The following MYO3A variants were observed in gnomAD, a reference collection of about 807,000 sequenced individuals.
MYO3A encodes the protein myosin IIIA, also known as myosin-IIIa.
MYO3A carries 180 observed loss-of-function variants against 192.7 expected under a neutral mutation model. That is an observed-to-expected ratio of 0.93 (90% CI 0.83 to 1.06). The LOEUF (loss-of-function observed/expected upper bound fraction) is 1.06. Ranked by LOEUF, MYO3A falls within the 50% of genes least tolerant of loss-of-function variation. MYO3A has a pLI of 0.00. For synonymous variants in MYO3A, 628 were observed against 645.3 expected (o/e 0.97, Z 0.41); for missense variants, 1,896 against 1,905.0 (o/e 1.00, Z 0.09).
At chr10:26,049,291 A>G (rs889200338) in intron 10 of MYO3A, among the ~76,000 whole-genome samples, 1 of 152,172 alleles carries the variant, frequency 6.6e-6, no homozygotes, top group Non-Finnish European at 1.5e-5. Context: ...GCCTCAGTTG[A>G]AGGGTATTAA....
At chr10:26,079,694 G>A (rs1056525150) in intron 14 of MYO3A, among the ~76,000 whole-genome samples, 3 of 152,150 alleles carry the variant, frequency 2.0e-5, no homozygotes, top group African/African-American at 7.2e-5. Flanking sequence ...CCTTTTAGCA[G>A]TTCTTATAGT....
chr10:26,130,514 T>C (rs1190352592), intron 20 of MYO3A, among the ~76,000 whole-genome samples: 1 of 152,198 alleles, frequency 6.6e-6, no homozygotes, highest in African/African-American at 2.4e-5. Flanking sequence ...TAAAGCCCTT[T>C]AAGATACCCT....
chr10:26,079,794 A>G (rs1395084965), intron 14 of MYO3A, among the ~76,000 whole-genome samples: 2 of 152,186 alleles, frequency 1.3e-5, no homozygotes, highest in Non-Finnish European at 2.9e-5. Flanking sequence ...GTTTCGCTGG[A>G]TACAAAATTC....
At chr10:26,137,999 G>A (rs981320783) in intron 20 of MYO3A, among the ~76,000 whole-genome samples, 5 of 152,166 alleles carry the variant, frequency 3.3e-5, no homozygotes, top group African/African-American at 9.7e-5. Flanking sequence ...CCTTTGCCTT[G>A]TGATCTTTGT....
At chr10:25,991,007 C>G (rs1471033275) in intron 4 of MYO3A, among the ~76,000 whole-genome samples, 3 of 152,140 alleles carry the variant, frequency 2.0e-5, no homozygotes, top group Non-Finnish European at 1.5e-5. Flanking sequence ...GCATGATTTA[C>G]AATCCTTTGT....
intron 6 of MYO3A, among the ~76,000 whole-genome samples, chr10:26,009,610 C>G (rs2130994628): frequency 6.6e-6 from 1 of 152,258 alleles, no homozygotes; most frequent in Non-Finnish European, 1.5e-5. Flanking sequence ...CAAGTTCACT[C>G]AAAAACAGAA....
At chr10:25,960,136 T>A (rs1837834188) in intron 4 of MYO3A, among the ~76,000 whole-genome samples, 1 of 152,160 alleles carries the variant, frequency 6.6e-6, no homozygotes, top group Non-Finnish European at 1.5e-5. Context: ...GTTCTCCTTT[T>A]TTCTGTCCTC....
chr10:26,047,081 ACT>A (rs1843671876), intron 10 of MYO3A, among the ~76,000 whole-genome samples: 1 of 152,130 alleles, frequency 6.6e-6, no homozygotes. Flanking sequence ...CATTAAATGG[ACT>A]CAATTGTTTA....
At chr10:26,093,143 T>C (rs1836801409) in intron 15 of MYO3A, among the ~76,000 whole-genome samples, 1 of 152,224 alleles carries the variant, frequency 6.6e-6, no homozygotes, top group East Asian at 1.9e-4. Flanking sequence ...TGATCATGAT[T>C]GTTAACACTT....
At chr10:25,985,474 A>T (rs886653379) in intron 4 of MYO3A, among the ~76,000 whole-genome samples, 3 of 152,152 alleles carry the variant, frequency 2.0e-5, no homozygotes, top group Admixed American at 6.5e-5. Flanking sequence ...AGGAGACAGA[A>T]GATCCAAATA....
chr10:26,126,709 C>T (rs941620237), intron 19 of MYO3A, among the ~76,000 whole-genome samples: 1 of 152,038 alleles, frequency 6.6e-6, no homozygotes, highest in Non-Finnish European at 1.5e-5. Flanking sequence ...GAGATTTGGC[C>T]TCATTTTGTT....
chr10:26,065,669 A>G (rs1834794030), intron 10 of MYO3A, among the ~76,000 whole-genome samples: 1 of 151,040 alleles, frequency 6.6e-6, no homozygotes, highest in South Asian at 2.1e-4. Context: ...AGAACAGCAG[A>G]TGGAGGAAAC....
At chr10:26,125,373 A>G (rs1415821134) in intron 18 of MYO3A, 25 bp from the exon 19 acceptor site, 2 of 1,610,610 alleles carry the variant, frequency 1.2e-6, no homozygotes, top group Admixed American at 1.7e-5. Flanking sequence ...AATTTCTTCT[A>G]ACAATGCATC....
At chr10:26,126,766 G>A (rs1400063737) in intron 19 of MYO3A, among the ~76,000 whole-genome samples, 1 of 152,028 alleles carries the variant, frequency 6.6e-6, no homozygotes, top group Non-Finnish European at 1.5e-5. Flanking sequence ...ACCCAGAAGG[G>A]GGATCTACTA....
intron 4 of MYO3A, among the ~76,000 whole-genome samples, chr10:25,970,348 T>G (rs1255303435): frequency 6.6e-6 from 1 of 151,910 alleles, no homozygotes; most frequent in Non-Finnish European, 1.5e-5. Flanking sequence ...AAACAAACTT[T>G]AGGTCAGAGA....
intron 23 of MYO3A, among the ~76,000 whole-genome samples, chr10:26,150,029 CGTGT>C (rs35589117): frequency 0.058 from 8,617 of 149,466 alleles, 304 homozygotes; most frequent in African/African-American, 0.088. Context: ...GAATAGTATT[CGTGT>C]GTGTGTGTGT....
chr10:26,211,933 C>T lies in MYO3A; in HGVS notation c.4821C>T (p.Ser1607=). Reference sequence around the variant, plus strand: ...TCAGGAGGCTCCTGCGCAAAACCTCCCAGCGCCGGCGCCTCGTCCAGCAGT... The same window carrying T: ...TCAGGAGGCTCCTGCGCAAAACCTCTCAGCGCCGGCGCCTCGTCCAGCAGT... The part of the protein sequence containing the change: ...YDFRRLLRKT[S]QRRRLVQQS Residue 1607 remains serine (S), a synonymous_variant, in exon 35 of 35, where the codon TCC becomes TCT. Transcript: ENST00000642920. The T allele has an allele frequency of 6.2e-7, 1 of 1,613,938 alleles. No homozygotes were observed. The highest frequency in any genetic ancestry group is 1.1e-5 in the South Asian group (1 of 91,004).
chr10:25,964,931 C>G (rs953822343), intron 4 of MYO3A, among the ~76,000 whole-genome samples: 5 of 152,182 alleles, frequency 3.3e-5, no homozygotes, highest in African/African-American at 9.7e-5. Context: ...ATGCCACTCT[C>G]TCCTGGCCCA....
At chr10:25,946,401 T>G (rs1564393450) in intron 2 of MYO3A, among the ~76,000 whole-genome samples, 1 of 152,166 alleles carries the variant, frequency 6.6e-6, no homozygotes, top group Non-Finnish European at 1.5e-5. Flanking sequence ...TTTCAGCACT[T>G]TAAATATATT....
Sources: gnomAD v4.1 joint callset for allele counts (sites outside exome capture counted in the v4.1 genomes callset) on GRCh38, gnomAD v4.1.1 for gene constraint, MANE v1.5 for transcripts, NCBI Gene and HGNC (gene_info 2026-07-23, HGNC 2026-07-21) for gene names.